Variants in TGOLN2 observed in about 807,000 individuals in gnomAD.
The protein encoded by TGOLN2 is trans-golgi network protein 2, also known as trans-Golgi network integral membrane protein 2.
A neutral mutation model predicts 31.3 loss-of-function variants in TGOLN2; 19 were observed. The ratio of observed to expected loss-of-function variants is 0.61; its 90% CI spans 0.42 to 0.89. TGOLN2 has a LOEUF of 0.89. Among genes scored for constraint, TGOLN2 ranks in the 40% least tolerant of loss-of-function variants. TGOLN2 has a pLI of 0.00. For synonymous variants in TGOLN2, 222 were observed against 226.7 expected, an observed-to-expected ratio of 0.98 and a Z score of 0.19; for missense variants, 540 against 559.2, an observed-to-expected ratio of 0.97 and a Z score of 0.35.
chr2:85,326,424 T>G (rs1041409039), intron 2 of TGOLN2, 84 bp downstream of exon 2: 18 of 1,363,486 alleles, frequency 1.3e-5, no homozygotes, highest in Middle Eastern at 3.7e-4. Context: ...CTCACGGGCA[T>G]CTAGTGACGG....
At position 85,318,252 on chromosome 2, in the gene TGOLN2, C is replaced by T. The variant is rs760640628; in HGVS notation, c.*4484G>A. 6.6e-6 allele frequency: 1 copy of T among 152,086 alleles called. No individual in the cohort carries two copies. The highest frequency in any genetic ancestry group is 6.6e-5 in the Admixed American group (1 of 15,266). 9.4% of individuals were successfully genotyped at this position (152,086 alleles called of 1,614,324 possible). ...TGACCATCTATTAACTGGGAAAACA[C>T]AAAAGAAGAGAAACAATTTCAACCA... is the stretch of plus-strand genomic sequence containing the variant. On this transcript the variant is annotated 3_prime_UTR_variant, in exon 4 of 4. Transcript: ENST00000377386.
Position 85,324,928 on chromosome 2 carries a change from C to T in TGOLN2, c.1295G>A (p.Arg432His). 1 of 1,554,962 alleles carries T rather than the reference C, an allele frequency of 6.4e-7. No individual in the cohort carries two copies. Among genetic ancestry groups the T allele is most frequent in the African/African-American group, 1.4e-5 (1 of 73,376 alleles). Residue 432 changes from arginine to histidine, a missense_variant, in exon 3 of 4, where the codon CGT (arginine) becomes CAT (histidine). Coordinates refer to ENST00000377386, the MANE Select transcript of TGOLN2 (RefSeq NM_006464.4). ...CTCCTTCCTTACCTTCTGGTCCAAA[C>T]GTTGGTAGTCACTGGCCTTTGGCCG... ...TRRPKASDYQRLDQKS is the reference protein window; with the variant it reads ...TRRPKASDYQHLDQKS
rs1044962 is a variant in TGOLN2, at chr2:85,327,475, G to A, written c.257C>T (p.Ala86Val). The change falls in exon 2 of 4, where the codon GCG becomes GTG. Residue 86 changes from alanine to valine, a missense_variant. Physicochemically the swap from Ala to Val is moderately conservative, Grantham distance 64 (BLOSUM62 0). Transcript: ENST00000377386. ...GCTGTCTTTTTGGGTCTTTGCCTCC[G>A]CACCCGACTTGTTGGGGGTGTCTTC... ...TPEDTPNKSG[A>V]EAKTQKDSSN... 2 of 1,613,896 alleles carry A rather than the reference G, an allele frequency of 1.2e-6. No individual in the cohort carries two copies. Among genetic ancestry groups the A allele is most frequent in the Non-Finnish European group, 8.5e-7 (1 of 1,179,844 alleles).
In TGOLN2 at chr2:85,324,945, C is replaced by T; in HGVS notation, c.1278G>A (p.Lys426=). The T allele has an allele frequency of 6.4e-7, 1 of 1,555,386 alleles. No individual in the cohort carries two copies. Among genetic ancestry groups the T allele is most frequent in the Non-Finnish European group, 8.7e-7 (1 of 1,148,620 alleles). ...GKRSKVTRRP[K]ASDYQRLDQK... is the part of the protein sequence containing the mutation. ...GGTCCAAACGTTGGTAGTCACTGGC[C>T]TTTGGCCGCCGGGTGACTTTAGATC... Residue 426 remains lysine, a synonymous_variant, in exon 3 of 4, where the codon AAG becomes AAA. Transcript: ENST00000377386.
In TGOLN2 at chr2:85,323,078, A is replaced by G. The variant is rs1235962029; in HGVS notation, c.1309-337T>C. ...CTGCAACCTCTGCCTCCGAAGTTCA[A>G]GCGATTCTCCCACCTCGGCTTCCTC... On this transcript the variant is annotated intron_variant, in intron 3 of 3. Transcript: ENST00000377386. Among the ~76,000 whole-genome samples the G allele has an allele frequency of 2.0e-5, 3 of 152,140 alleles. No individual in the cohort carries two copies. In the East Asian group the frequency reaches 5.8e-4, roughly 29 times the overall value.
chr2:85,326,988 G>A lies in TGOLN2; in HGVS notation c.744C>T (p.Ser248=), dbSNP rs1268982894. ...GCTGCTCTGGAACCACCTTGTTAGG[G>A]CTGTCTTTTGAGGTCTGCTCCTCCG... The part of the protein sequence containing the change: ...SGAEEQTSKD[S]PNKVVPEQPS... Residue 248 remains serine, a synonymous_variant, in exon 2 of 4, where the codon AGC becomes AGT. Transcript: ENST00000377386. The A allele has an allele frequency of 1.2e-6, 2 of 1,613,996 alleles. No homozygotes were observed. The highest frequency in any genetic ancestry group is 1.7e-5 in the Admixed American group (1 of 60,028).
rs1682441842 is a variant in TGOLN2, at chr2:85,318,395, G to A, written c.*4341C>T. 1.3e-5 allele frequency: 2 copies of A among 152,228 alleles called. No individual in the cohort carries two copies. Among genetic ancestry groups the A allele is most frequent in the South Asian group, 4.1e-4 (2 of 4,834 alleles). The allele number at this position is 152,228 out of a possible 1,614,324, so 9.4% of individuals were successfully genotyped here. ...AGCTCAGACCCAAACCCTTCACAGAGAGACTCTAAGTGTACATCTGACTTG... is the reference window on the plus strand; with the variant it reads ...AGCTCAGACCCAAACCCTTCACAGAAAGACTCTAAGTGTACATCTGACTTG... On this transcript the variant is annotated 3_prime_UTR_variant, in exon 4 of 4. Coordinates refer to ENST00000377386, the MANE Select transcript of TGOLN2 (RefSeq NM_006464.4).
chr2:85,327,376 G>C lies in TGOLN2; in HGVS notation c.356C>G (p.Thr119Arg), dbSNP rs1682784931. 27 of 1,611,322 alleles carry C rather than the reference G, an allele frequency of 1.7e-5. No homozygotes were observed. Among genetic ancestry groups the C allele is most frequent in the Admixed American group, 5.0e-5 (3 of 59,714 alleles). ...ATGCGACTTACTAGTGCTGTCTTTT[G>C]TGGTCTGCGCCTCCGAACCCGACTT... ...TSKSGSEAQT[T>R]KDSTSKSHPE... The change falls in exon 2 of 4, where the codon ACA (threonine) becomes AGA (arginine). Residue 119 changes from threonine (T) to arginine (R), a missense_variant. By Grantham distance (71) the Thr-to-Arg change is moderately conservative. Transcript: ENST00000377386.
At chr2:85,325,101 C>A (rs571813095) in intron 2 of TGOLN2, 103 bp from the exon 3 acceptor site, 13 of 1,064,582 alleles carry the variant, frequency 1.2e-5, no homozygotes, top group Non-Finnish European at 1.8e-5. Context: ...TGTTAATGAC[C>A]CTGACTGTAG....
At position 85,322,631 on chromosome 2, in the gene TGOLN2, A is replaced by G. The variant is rs747127258; in HGVS notation, c.*105T>C. 4 of 1,577,108 alleles carry G rather than the reference A, an allele frequency of 2.5e-6. No individual in the cohort carries two copies. Among genetic ancestry groups the G allele is most frequent in the Non-Finnish European group, 3.4e-6 (4 of 1,167,554 alleles). ...ATTTCTTTTGATTTAGAAACAAATC[A>G]GCAGGGAGGACAAGGTTCTCAAGGA... is the stretch of plus-strand genomic sequence containing the variant. On this transcript the variant is annotated 3_prime_UTR_variant, in exon 4 of 4. Coordinates refer to ENST00000377386, the MANE Select transcript of TGOLN2 (RefSeq NM_006464.4).
chr2:85,327,971 G>C lies in TGOLN2; in HGVS notation c.-9C>G. Reference sequence around the variant, plus strand: ...GCAACCACGAACCGCATCCTGCTCGGATAGCGCTTCCGCCCTCTAATGCTC... The same window carrying C: ...GCAACCACGAACCGCATCCTGCTCGCATAGCGCTTCCGCCCTCTAATGCTC... On this transcript the variant is annotated 5_prime_UTR_variant, in exon 1 of 4. In the 5' UTR this introduces an upstream ATG that the reference lacks. Coordinates refer to ENST00000377386, the MANE Select transcript of TGOLN2 (RefSeq NM_006464.4). The C allele has an allele frequency of 1.3e-6, 2 of 1,586,190 alleles. No individual in the cohort carries two copies. Among genetic ancestry groups the C allele is most frequent in the Non-Finnish European group, 8.6e-7 (1 of 1,166,612 alleles).
chr2:85,322,994 T>C (rs1001268977), intron 3 of TGOLN2, among the ~76,000 whole-genome samples: 6 of 152,288 alleles, frequency 3.9e-5, no homozygotes, highest in African/African-American at 7.2e-5. Flanking sequence ...TTCTTCTTTT[T>C]TGAGACGGAG....
In TGOLN2 at chr2:85,327,959, G is replaced by T. The variant is rs370630952; in HGVS notation, c.4C>A (p.Arg2=). 2.2e-5 allele frequency: 35 copies of T among 1,594,646 alleles called. No homozygotes were observed. Among genetic ancestry groups the T allele is most frequent in the Non-Finnish European group, 2.8e-5 (33 of 1,171,124 alleles). M[R]FVVALVLLNV... ...AGGAGGACCAAGGCAACCACGAACCGCATCCTGCTCGGATAGCGCTTCCGC... is the reference window on the plus strand; with the variant it reads ...AGGAGGACCAAGGCAACCACGAACCTCATCCTGCTCGGATAGCGCTTCCGC... Residue 2 remains arginine (R), a synonymous_variant, in exon 1 of 4, where the codon CGG becomes AGG. Coordinates refer to ENST00000377386, the MANE Select transcript of TGOLN2 (RefSeq NM_006464.4).
At chr2:85,323,519 T>C (rs940961335) in intron 3 of TGOLN2, among the ~76,000 whole-genome samples, 2 of 152,174 alleles carry the variant, frequency 1.3e-5, no homozygotes, top group South Asian at 2.1e-4. Context: ...TGAGCCAAGA[T>C]TGTGCCACTG....
Position 85,324,986 on chromosome 2 carries a change from C to T in TGOLN2, c.1237G>A (p.Val413Ile), listed in dbSNP as rs1253420760. 6 of 1,552,372 alleles carry T rather than the reference C, an allele frequency of 3.9e-6. No homozygotes were observed. The South Asian group carries it at 5.9e-5, about 15-fold the overall frequency. The change falls in exon 3 of 4, where the codon GTC (valine) becomes ATC (isoleucine). Residue 413 changes from valine to isoleucine, a missense_variant. Val to Ile is a conservative substitution (Grantham distance 29). Coordinates refer to ENST00000377386, the MANE Select transcript of TGOLN2 (RefSeq NM_006464.4). The part of the protein sequence containing the change: ...HHNKRKIIAF[V>I]LEGKRSKVTR... The stretch of plus-strand genomic sequence containing the variant: ...ACTTTAGATCTTTTTCCTTCCAGGA[C>T]AAAAGCAATGATCTGAGGAAAGGAA...
chr2:85,327,213 C>G lies in TGOLN2; in HGVS notation c.519G>C (p.Gln173His), dbSNP rs770243810. The G allele has an allele frequency of 1.2e-6, 2 of 1,612,848 alleles. No homozygotes were observed. The highest frequency in any genetic ancestry group is 1.1e-5 in the South Asian group (1 of 91,046). ...DSPSKSGSEA[Q>H]TTKDVPNKSG... ...ACTTATTAGGGACATCTTTTGTGGT[C>G]TGCGCCTCCGAACCTGACTTGCTAG... is the stretch of plus-strand genomic sequence containing the variant. Residue 173 changes from glutamine to histidine, a missense_variant, in exon 2 of 4, where the codon CAG (glutamine) becomes CAC (histidine). Coordinates refer to ENST00000377386, the MANE Select transcript of TGOLN2 (RefSeq NM_006464.4).
chr2:85,323,503 T>C (rs1350489416), intron 3 of TGOLN2, among the ~76,000 whole-genome samples: 2 of 152,102 alleles, frequency 1.3e-5, no homozygotes, highest in East Asian at 1.9e-4. Context: ...GTGGTGGAGG[T>C]TGCAGTGAGC....
Position 85,322,534 on chromosome 2 carries a change from A to T in TGOLN2, c.*202T>A. 9.2e-7 allele frequency: 1 copy of T among 1,086,288 alleles called. No homozygotes were observed. Among genetic ancestry groups the T allele is most frequent in the Non-Finnish European group, 1.3e-6 (1 of 771,988 alleles). The allele number at this position is 1,086,288 out of a possible 1,614,324, so 67.3% of individuals were successfully genotyped here. On this transcript the variant is annotated 3_prime_UTR_variant, in exon 4 of 4. Coordinates refer to ENST00000377386, the MANE Select transcript of TGOLN2 (RefSeq NM_006464.4). ...GGTGCAAAGCCCAAAGCAGCCCCCT[A>T]CCTCTGCCAGCCCAGACCCGCCACT...
chr2:85,321,069 T>C lies in TGOLN2; in HGVS notation c.*1667A>G, dbSNP rs1242667076. 1 of 151,712 alleles carries C rather than the reference T, an allele frequency of 6.6e-6. No homozygotes were observed. The highest frequency in any genetic ancestry group is 1.5e-5 in the Non-Finnish European group (1 of 67,962). The allele number at this position is 151,712 out of a possible 1,614,324, so 9.4% of individuals were successfully genotyped here. A position where few individuals can be genotyped will look rare whatever the true frequency, so the allele number is the denominator to read the frequency against. On this transcript the variant is annotated 3_prime_UTR_variant, in exon 4 of 4. Coordinates refer to ENST00000377386, the MANE Select transcript of TGOLN2 (RefSeq NM_006464.4). ...AAATCTGGGTGCATACGAAGGTGGA[T>C]GGAAAGGAGCTGGTACAGATGGGCA... is the stretch of plus-strand genomic sequence containing the variant.
Sources: gnomAD v4.1 joint callset for allele counts (sites outside exome capture counted in the v4.1 genomes callset) on GRCh38, gnomAD v4.1.1 for gene constraint, MANE v1.5 for transcripts, NCBI Gene and HGNC (gene_info 2026-07-23, HGNC 2026-07-21) for gene names.